CPM: variants seen among roughly 807,000 people sequenced by gnomAD.
The protein encoded by CPM is renal carboxypeptidase.
Under a neutral mutation model 46.4 loss-of-function variants are expected in CPM, and 35 were observed. That is an observed-to-expected ratio of 0.75 (90% CI 0.58 to 1.00). CPM has a LOEUF of 1.00. Ranked by LOEUF, CPM falls within the 50% of genes least tolerant of loss-of-function variation. CPM has a pLI of 0.00. For missense variants in CPM, 422 were observed against 530.4 expected, an observed-to-expected ratio of 0.80 and a Z score of 2.01; for synonymous variants, 195 against 195.3, an observed-to-expected ratio of 1.00 and a Z score of 0.01.
At chr12:68,911,351 G>C (rs1887587792) in intron 2 of CPM, among the ~76,000 whole-genome samples, 1 of 152,222 alleles carries the variant, frequency 6.6e-6, no homozygotes, top group African/African-American at 2.4e-5. Context: ...AACAAGGTCA[G>C]CCCAAACTGC....
intron 1 of CPM, among the ~76,000 whole-genome samples, chr12:68,963,010 G>A (rs1889147635): frequency 1.3e-5 from 2 of 152,222 alleles, no homozygotes; most frequent in Non-Finnish European, 2.9e-5. Flanking sequence ...GTCGTGGCCT[G>A]ACCACCTTAG....
chr12:68,873,311 C>T (rs1885793200), intron 3 of CPM, among the ~76,000 whole-genome samples: 1 of 152,220 alleles, frequency 6.6e-6, no homozygotes, highest in African/African-American at 2.4e-5. Context: ...TTGATTCCCT[C>T]ACTGGCACAT....
At chr12:68,919,037 G>C (rs988224843) in intron 2 of CPM, among the ~76,000 whole-genome samples, 1 of 152,100 alleles carries the variant, frequency 6.6e-6, no homozygotes, top group Non-Finnish European at 1.5e-5. Flanking sequence ...AGCCACCCTG[G>C]TCTCACTTCT....
intron 7 of CPM, among the ~76,000 whole-genome samples, chr12:68,860,956 C>T (rs979413000): frequency 2.0e-5 from 3 of 151,696 alleles, no homozygotes; most frequent in Non-Finnish European, 4.4e-5. Flanking sequence ...TCAGGGCTTA[C>T]TGCAGCCTTG....
chr12:68,904,666 G>C (rs745443956), intron 2 of CPM, among the ~76,000 whole-genome samples: 1 of 152,146 alleles, frequency 6.6e-6, no homozygotes, highest in Non-Finnish European at 1.5e-5. Context: ...TGAGGGTACT[G>C]TTCAAGCCAC....
At chr12:68,882,435 A>G (rs1247608782) in intron 3 of CPM, among the ~76,000 whole-genome samples, 2 of 152,140 alleles carry the variant, frequency 1.3e-5, no homozygotes, top group Non-Finnish European at 1.5e-5. Flanking sequence ...TCCACGATGT[A>G]TATGTACCAT....
At chr12:68,883,175 G>A (rs557387704) in intron 3 of CPM, among the ~76,000 whole-genome samples, 1 of 152,338 alleles carries the variant, frequency 6.6e-6, no homozygotes, top group South Asian at 2.1e-4. Context: ...CTGAAGTCAG[G>A]TCAAATTTAT....
chr12:68,928,910 AAT>A (rs1888385743), intron 2 of CPM, among the ~76,000 whole-genome samples: 1 of 115,690 alleles, frequency 8.6e-6, no homozygotes, highest in Admixed American at 9.4e-5. Flanking sequence ...TGGTTAATTA[AAT>A]TTTTTTTTTT....
At chr12:68,864,696 T>C (rs1885357529) in intron 7 of CPM, among the ~76,000 whole-genome samples, 2 of 152,132 alleles carry the variant, frequency 1.3e-5, no homozygotes, top group South Asian at 4.1e-4. Context: ...ATGTTGATAC[T>C]GGTGAAGAAT....
chr12:68,895,578 C>CT, intron 2 of CPM, among the ~76,000 whole-genome samples: 1 of 152,352 alleles, frequency 6.6e-6, no homozygotes, highest in Admixed American at 6.5e-5. Context: ...GACTTTCCCT[C>CT]TAGTGAGTGT....
At position 68,894,274 on chromosome 12, in the gene CPM, G is replaced by C. The variant is rs955965647; in HGVS notation, c.161-8385C>G. ...TGTTCACCATTTTGTTTAGGTTGCT[G>C]GTTTTGTTCACTGCTAACCTAACGG... On this transcript the variant is annotated intron_variant, in intron 2 of 8. Transcript: ENST00000551568. Among the ~76,000 whole-genome samples the C allele has an allele frequency of 5.3e-5, 8 of 152,202 alleles. No individual in the cohort carries two copies. The South Asian group carries it at 6.2e-4, about 12-fold the overall frequency.
At chr12:68,895,165 T>C (rs1160369970) in intron 2 of CPM, among the ~76,000 whole-genome samples, 1 of 152,106 alleles carries the variant, frequency 6.6e-6, no homozygotes, top group Non-Finnish European at 1.5e-5. Context: ...GTCATCTTCT[T>C]AGTAAAGACC....
intron 2 of CPM, among the ~76,000 whole-genome samples, chr12:68,917,555 A>G (rs888026204): frequency 6.6e-6 from 1 of 152,226 alleles, no homozygotes; most frequent in Non-Finnish European, 1.5e-5. Flanking sequence ...CATAGCCAGT[A>G]TGTTTTACTC....
intron 3 of CPM, among the ~76,000 whole-genome samples, chr12:68,872,759 G>C (rs1885767564): frequency 6.6e-6 from 1 of 151,362 alleles, no homozygotes; most frequent in Non-Finnish European, 1.5e-5. Flanking sequence ...TTTAAGACAG[G>C]GTCTTGCTAT....
At chr12:68,919,474 CTG>C (rs904661266) in intron 2 of CPM, among the ~76,000 whole-genome samples, 2 of 152,206 alleles carry the variant, frequency 1.3e-5, no homozygotes, top group African/African-American at 4.8e-5. Context: ...CACACACAGA[CTG>C]GGATTTACTT....
intron 2 of CPM, among the ~76,000 whole-genome samples, chr12:68,886,733 G>A (rs141274206): frequency 6.6e-5 from 10 of 152,304 alleles, no homozygotes; most frequent in Admixed American, 3.9e-4. Context: ...ATGCTGATGT[G>A]ACACAGCCCC....
At chr12:68,908,931 C>T (rs1887464204) in intron 2 of CPM, among the ~76,000 whole-genome samples, 1 of 152,048 alleles carries the variant, frequency 6.6e-6, no homozygotes, top group South Asian at 2.1e-4. Flanking sequence ...ATAGAAATGA[C>T]CAATAGAGTT....
At chr12:68,915,143 C>T (rs1887753814) in intron 2 of CPM, among the ~76,000 whole-genome samples, 1 of 152,012 alleles carries the variant, frequency 6.6e-6, no homozygotes, top group Non-Finnish European at 1.5e-5. Flanking sequence ...ACAAATATTG[C>T]CAATTTTAGT....
chr12:68,943,387 C>A (rs1888794675), intron 1 of CPM, among the ~76,000 whole-genome samples: 1 of 152,124 alleles, frequency 6.6e-6, no homozygotes, highest in African/African-American at 2.4e-5. Context: ...AAGCTGAATT[C>A]ATTTTTATTA....
Sources: gnomAD v4.1 joint callset for allele counts (sites outside exome capture counted in the v4.1 genomes callset) on GRCh38, gnomAD v4.1.1 for gene constraint, MANE v1.5 for transcripts, NCBI Gene and HGNC (gene_info 2026-07-23, HGNC 2026-07-21) for gene names.